The following PSMC1 variants were observed in gnomAD, a reference collection of about 807,000 sequenced individuals.
PSMC1 encodes proteasome 26S subunit, ATPase 1, also known as 26S proteasome regulatory subunit 4.
A neutral mutation model predicts 49.8 loss-of-function variants in PSMC1; 5 were observed. The ratio of observed to expected loss-of-function variants is 0.10; its 90% CI spans 0.05 to 0.21. The LOEUF (loss-of-function observed/expected upper bound fraction) is 0.21, where lower values mean the gene tolerates loss of function less well. Ranked by LOEUF, PSMC1 falls within the 10% of genes least tolerant of loss-of-function variation. The pLI is 1.00. For missense variants in PSMC1, 181 were observed against 535.7 expected (o/e 0.34, Z 6.54); for synonymous variants, 155 against 192.1 (o/e 0.81, Z 1.60).
At chr14:90,271,170 C>G (rs1485443707) in intron 10 of PSMC1, 1 of 152,204 alleles carries the variant, frequency 6.6e-6, no homozygotes, top group Non-Finnish European at 1.5e-5. Flanking sequence ...TTTTCTCTTT[C>G]TATACACAAA....
chr14:90,259,349 CAGATACAA>C, intron 2 of PSMC1, 136 bp downstream of exon 2: 5 of 682,806 alleles, frequency 7.3e-6, no homozygotes, highest in Non-Finnish European at 1.2e-5. Flanking sequence ...GCCTGTCCTA[CAGATACAA>C]TAAATATGCT....
intron 6 of PSMC1, 131 bp downstream of exon 6, chr14:90,264,300 T>C: frequency 2.3e-6 from 3 of 1,296,760 alleles, no homozygotes; most frequent in Non-Finnish European, 3.1e-6. Context: ...AGCTTGCCAG[T>C]TGTGGTATTT....
chr14:90,256,724 T>C lies in PSMC1; in HGVS notation c.3+124T>C, dbSNP rs1157037831. 3.4e-6 allele frequency: 5 copies of C among 1,449,612 alleles called. No individual in the cohort carries two copies. The African/African-American group carries it at 7.0e-5, about 20-fold the overall frequency. 89.8% of individuals were successfully genotyped at this position (1,449,612 alleles called of 1,614,324 possible). A position where few individuals can be genotyped will look rare whatever the true frequency, so the allele number is the denominator to read the frequency against. On this transcript the variant is annotated intron_variant, in intron 1 of 10. Coordinates refer to ENST00000261303, the MANE Select transcript of PSMC1 (RefSeq NM_002802.3). Reference sequence around the variant, plus strand: ...CAGCCCTCTTCTCCTTTTGCCGGCCTGATCTTCTCGGCGGGTGGAGGCTCC... The same window carrying C: ...CAGCCCTCTTCTCCTTTTGCCGGCCCGATCTTCTCGGCGGGTGGAGGCTCC...
chr14:90,274,277 G>A lies in PSMC1; in HGVS notation c.*1870G>A, dbSNP rs192816380. On this transcript the variant is annotated 3_prime_UTR_variant, in exon 11 of 11. Coordinates refer to ENST00000261303, the MANE Select transcript of PSMC1 (RefSeq NM_002802.3). ...GCAGGGCTGGGGTGGTCCGATAGGGGGAGTCAGTGTGGGCAGCCTGATGTG... is the reference window on the plus strand; with the variant it reads ...GCAGGGCTGGGGTGGTCCGATAGGGAGAGTCAGTGTGGGCAGCCTGATGTG... 41 of 155,748 alleles carry A rather than the reference G, an allele frequency of 2.6e-4. No individual in the cohort carries two copies. Among genetic ancestry groups the A allele is most frequent in the African/African-American group, 8.9e-4 (37 of 41,618 alleles). The allele number at this position is 155,748 out of a possible 1,614,324, so 9.6% of individuals were successfully genotyped here. A position where few individuals can be genotyped will look rare whatever the true frequency, so the allele number is the denominator to read the frequency against.
At chr14:90,268,162 T>G in intron 7 of PSMC1, 62 bp from the exon 8 acceptor site, 4 of 1,388,004 alleles carry the variant, frequency 2.9e-6, no homozygotes, top group African/African-American at 1.5e-5. Context: ...ATGATACGAG[T>G]TTTTAAGTTA....
intron 10 of PSMC1, chr14:90,271,330 CATAAT>C (rs1194513487): frequency 1.3e-5 from 2 of 152,194 alleles, no homozygotes; most frequent in African/African-American, 2.4e-5. Context: ...CAGTAACCCA[CATAAT>C]ATGTTTGTTT....
chr14:90,262,699 G>A (rs536025867), intron 3 of PSMC1, among the ~76,000 whole-genome samples: 3 of 151,778 alleles, frequency 2.0e-5, no homozygotes, highest in Non-Finnish European at 2.9e-5. Flanking sequence ...CAGGAGAATC[G>A]CTTGAACCCA....
chr14:90,267,698 GAA>G (rs1891553538), intron 7 of PSMC1: 3 of 152,530 alleles, frequency 2.0e-5, no homozygotes, highest in African/African-American at 7.2e-5. Flanking sequence ...TGGAGCTCAG[GAA>G]CACTTCGTGT....
chr14:90,269,302 TTAAGG>T (rs1566675208), intron 8 of PSMC1, 90 bp from the exon 9 acceptor site: 1 of 1,093,498 alleles, frequency 9.1e-7, no homozygotes, highest in East Asian at 2.4e-5. Flanking sequence ...GGAATGTTTG[TTAAGG>T]TGTTTTGTCA....
Position 90,264,979 on chromosome 14 carries a change from T to C in PSMC1, c.595-91T>C. ...GAAGAGTAATTGAGATTTTTACTTA[T>C]TTTTGTTGAAAGCAAGATATTGTCA... On this transcript the variant is annotated intron_variant, in intron 6 of 10. Coordinates refer to ENST00000261303, the MANE Select transcript of PSMC1 (RefSeq NM_002802.3). 8.4e-6 allele frequency: 8 copies of C among 951,720 alleles called. No homozygotes were observed. In the Admixed American group the frequency reaches 1.1e-4, roughly 13 times the overall value. 59.0% of individuals were successfully genotyped at this position (951,720 alleles called of 1,614,324 possible).
At chr14:90,269,338 T>C (rs1035414542) in intron 8 of PSMC1, 59 bp from the exon 9 acceptor site, 2 of 1,464,650 alleles carry the variant, frequency 1.4e-6, no homozygotes, top group Non-Finnish European at 1.9e-6. Flanking sequence ...TTTGCTGTAA[T>C]TCCCCTTGAG....
chr14:90,274,838 A>ACACACACACACC lies in PSMC1; in HGVS notation c.*2432_*2433insACACACACACCC, dbSNP rs1491397403. ...CACACACACACACACACACACACAC[A>ACACACACACACC]CCCCAATACATATGAATTGATCTGA... is the stretch of plus-strand genomic sequence containing the variant. On this transcript the variant is annotated 3_prime_UTR_variant, in exon 11 of 11. Transcript: ENST00000261303. The ACACACACACACC allele has an allele frequency of 7.3e-4, 49 of 67,208 alleles. 1 individual carries two copies. Among genetic ancestry groups the ACACACACACACC allele is most frequent in the South Asian group, 1.1e-3 (3 of 2,652 alleles). 4.2% of individuals were successfully genotyped at this position (67,208 alleles called of 1,614,324 possible).
intron 1 of PSMC1, among the ~76,000 whole-genome samples, chr14:90,257,749 C>T (rs375631115): frequency 5.9e-5 from 9 of 152,284 alleles, no homozygotes; most frequent in African/African-American, 1.9e-4. Context: ...CCCGCCACTA[C>T]GCCCGGCTAA....
intron 7 of PSMC1, among the ~76,000 whole-genome samples, chr14:90,265,767 G>A (rs58903871): frequency 0.018 from 2,677 of 151,752 alleles, 68 homozygotes; most frequent in African/African-American, 0.06. Context: ...GCTGAGGTAG[G>A]AGGGTCACTT....
intron 7 of PSMC1, 92 bp from the exon 8 acceptor site, chr14:90,268,132 G>A: frequency 9.5e-7 from 1 of 1,053,798 alleles, no homozygotes; most frequent in South Asian, 1.7e-5. Flanking sequence ...GCCTGTTTTT[G>A]GTGTCCATTT....
At chr14:90,260,507 G>A (rs1408068278) in intron 3 of PSMC1, among the ~76,000 whole-genome samples, 5 of 152,170 alleles carry the variant, frequency 3.3e-5, no homozygotes, top group Non-Finnish European at 5.9e-5. Context: ...CGAGGCGGGC[G>A]GATCACAAGG....
intron 8 of PSMC1, 62 bp from the exon 9 acceptor site, chr14:90,269,335 T>C: frequency 1.9e-5 from 28 of 1,447,374 alleles, no homozygotes; most frequent in Non-Finnish European, 2.5e-5. Flanking sequence ...GTCTTTGCTG[T>C]AATTCCCCTT....
chr14:90,256,605 G>A lies in PSMC1; in HGVS notation c.3+5G>A, dbSNP rs978539923. 6.3e-7 allele frequency: 1 copy of A among 1,589,608 alleles called. No individual in the cohort carries two copies. Among genetic ancestry groups the A allele is most frequent in the Non-Finnish European group, 8.6e-7 (1 of 1,167,812 alleles). ...TCAAGTGGCCAAGGCAAGATGGTGAGTGACTAAGGGTTTCTTTCCGCTGGT... is the reference window on the plus strand; with the variant it reads ...TCAAGTGGCCAAGGCAAGATGGTGAATGACTAAGGGTTTCTTTCCGCTGGT... On this transcript the variant is annotated splice_donor_5th_base_variant and intron_variant, in intron 1 of 10. Transcript: ENST00000261303.
In PSMC1 at chr14:90,264,023, C is replaced by T. The variant is rs764187951; in HGVS notation, c.466-18C>T. On this transcript the variant is annotated intron_variant, in intron 5 of 10. Coordinates refer to ENST00000261303, the MANE Select transcript of PSMC1 (RefSeq NM_002802.3). ...CAAACCTCACGTTCCTGTGTTAAAC[C>T]TTGATGTTTCCTGTTAGGTGCATGC... 5 of 1,602,386 alleles carry T rather than the reference C, an allele frequency of 3.1e-6. No homozygotes were observed. The highest frequency in any genetic ancestry group is 2.6e-6 in the Non-Finnish European group (3 of 1,175,488).
Sources: gnomAD v4.1 joint callset for allele counts (sites outside exome capture counted in the v4.1 genomes callset) on GRCh38, gnomAD v4.1.1 for gene constraint, MANE v1.5 for transcripts, NCBI Gene and HGNC (gene_info 2026-07-23, HGNC 2026-07-21) for gene names.